RAB31: variants seen among roughly 807,000 people sequenced by gnomAD.
RAB31 encodes the protein ras-related protein Rab-31.
RAB31 carries 21 observed loss-of-function variants against 25.6 expected under a neutral mutation model. The observed-to-expected ratio is 0.82, with a 90% CI of 0.58 to 1.18. The LOEUF (loss-of-function observed/expected upper bound fraction) is 1.18. RAB31 is among the 50% of genes most tolerant of loss of function. The pLI is 0.00. For synonymous variants in RAB31, 87 were observed against 84.0 expected (o/e 1.04, Z -0.20); for missense variants, 196 against 250.1 (o/e 0.78, Z 1.46).
intron 1 of RAB31, among the ~76,000 whole-genome samples, chr18:9,771,056 G>A (rs745766817): frequency 2.6e-5 from 4 of 151,938 alleles, no homozygotes; most frequent in South Asian, 2.1e-4. Flanking sequence ...CTGTAGTCTC[G>A]GCTACTGGAG....
chr18:9,835,347 T>C (rs1421363804), intron 5 of RAB31, among the ~76,000 whole-genome samples: 1 of 151,536 alleles, frequency 6.6e-6, no homozygotes. Flanking sequence ...CCAGTGGTTC[T>C]TTCTCTGGCC....
intron 1 of RAB31, among the ~76,000 whole-genome samples, chr18:9,769,047 G>T (rs141442903): frequency 6.6e-6 from 1 of 152,082 alleles, no homozygotes; most frequent in South Asian, 2.1e-4. Flanking sequence ...CTGTTCCATT[G>T]GTCTATATAT....
intron 2 of RAB31, among the ~76,000 whole-genome samples, chr18:9,778,572 G>T (rs979216308): frequency 1.3e-5 from 2 of 152,148 alleles, no homozygotes; most frequent in African/African-American, 4.8e-5. Context: ...CTGAGTTCAA[G>T]CGATTCTCCT....
chr18:9,761,521 G>C (rs1351661880), intron 1 of RAB31, among the ~76,000 whole-genome samples: 1 of 152,186 alleles, frequency 6.6e-6, no homozygotes, highest in East Asian at 1.9e-4. Context: ...CAGGAATTGG[G>C]CATGGCTTAG....
intron 1 of RAB31, chr18:9,774,901 A>G (rs776840037): frequency 1.9e-6 from 1 of 521,078 alleles, no homozygotes; most frequent in South Asian, 1.4e-5. Flanking sequence ...AAGGTTTTGA[A>G]CAGAATGAAT....
rs190663734 is a variant in RAB31, at chr18:9,823,955, G to A, written c.380+8733G>A. 4.6e-5 allele frequency among the ~76,000 whole-genome samples: 7 copies of A among 152,312 alleles called. No homozygotes were observed. In the South Asian group the frequency reaches 6.2e-4, roughly 14 times the overall value. On this transcript the variant is annotated intron_variant, in intron 5 of 6. Transcript: ENST00000578921. Reference sequence around the variant, plus strand: ...CTAGTGGGCACCGGCTTGTTGACACGTTTCTATGGTGGGGGAATCGGTTCT... The same window carrying A: ...CTAGTGGGCACCGGCTTGTTGACACATTTCTATGGTGGGGGAATCGGTTCT...
chr18:9,821,141 G>T (rs1229032159), intron 5 of RAB31, among the ~76,000 whole-genome samples: 2 of 151,978 alleles, frequency 1.3e-5, no homozygotes, highest in Admixed American at 1.3e-4. Flanking sequence ...AATAGCATAT[G>T]CAATTCCCAA....
intron 5 of RAB31, among the ~76,000 whole-genome samples, chr18:9,843,361 G>C (rs192638272): frequency 6.6e-6 from 1 of 152,026 alleles, no homozygotes; most frequent in Admixed American, 6.6e-5. Context: ...ACTGGGCAAC[G>C]TGGCGAAACC....
In RAB31 at chr18:9,861,784, T is replaced by C. The variant is rs1003319881; in HGVS notation, c.*2459T>C. ...CTTTCGTGTGTGGCATGAGTGTGTA[T>C]CTGTGTAAATATGATTGTATATGTG... On this transcript the variant is annotated 3_prime_UTR_variant, in exon 7 of 7. Transcript: ENST00000578921. 3 of 152,408 alleles carry C rather than the reference T, an allele frequency of 2.0e-5. No homozygotes were observed. The highest frequency in any genetic ancestry group is 6.8e-3 in the Middle Eastern group (2 of 294). 9.4% of individuals were successfully genotyped at this position (152,408 alleles called of 1,614,324 possible).
At chr18:9,709,285 AG>A (rs1332071676) in intron 1 of RAB31, among the ~76,000 whole-genome samples, 1 of 152,124 alleles carries the variant, frequency 6.6e-6, no homozygotes, top group Admixed American at 6.5e-5. Context: ...AGATAAACGT[AG>A]GGTCGCTTCC....
At chr18:9,759,714 G>T (rs2068278060) in intron 1 of RAB31, among the ~76,000 whole-genome samples, 1 of 152,094 alleles carries the variant, frequency 6.6e-6, no homozygotes, top group Non-Finnish European at 1.5e-5. Flanking sequence ...AAAGGGCAAG[G>T]CTATCCCGAG....
intron 1 of RAB31, among the ~76,000 whole-genome samples, chr18:9,744,194 G>C (rs1229789232): frequency 6.6e-6 from 1 of 152,182 alleles, no homozygotes; most frequent in Non-Finnish European, 1.5e-5. Flanking sequence ...GCATTGTGTA[G>C]AGCATACCCT....
At chr18:9,810,493 G>A (rs959520274) in intron 3 of RAB31, among the ~76,000 whole-genome samples, 10 of 152,128 alleles carry the variant, frequency 6.6e-5, no homozygotes, top group African/African-American at 2.4e-4. Context: ...TGCATTATTG[G>A]GTTTTGGAAC....
intron 2 of RAB31, among the ~76,000 whole-genome samples, chr18:9,784,571 GAGAC>G (rs2068422273): frequency 1.2e-5 from 1 of 84,944 alleles, no homozygotes; most frequent in Non-Finnish European, 2.3e-5. Context: ...TTTTTTTTTT[GAGAC>G]AGAGTCTTGC....
At chr18:9,832,840 G>A (rs376103763) in intron 5 of RAB31, among the ~76,000 whole-genome samples, 2 of 152,318 alleles carry the variant, frequency 1.3e-5, no homozygotes, top group African/African-American at 4.8e-5. Context: ...GAAATCCAAA[G>A]GTGTAAAGAA....
chr18:9,833,291 C>T (rs1285171069), intron 5 of RAB31, among the ~76,000 whole-genome samples: 1 of 152,178 alleles, frequency 6.6e-6, no homozygotes, highest in Non-Finnish European at 1.5e-5. Flanking sequence ...CCAGCTTCTC[C>T]GGGGTGGTGC....
intron 1 of RAB31, 24 bp from the exon 2 acceptor site, chr18:9,775,254 G>A (rs778489051): frequency 3.1e-6 from 5 of 1,613,562 alleles, no homozygotes; most frequent in East Asian, 2.2e-5. Context: ...TCATCTTCAC[G>A]GTTGTATCCT....
At chr18:9,744,924 A>C (rs542651027) in intron 1 of RAB31, among the ~76,000 whole-genome samples, 2 of 152,332 alleles carry the variant, frequency 1.3e-5, no homozygotes, top group Non-Finnish European at 2.9e-5. Flanking sequence ...GAAGAAGAGC[A>C]AAATAAACTC....
intron 3 of RAB31, among the ~76,000 whole-genome samples, chr18:9,798,955 G>A (rs1046824780): frequency 6.6e-6 from 1 of 152,196 alleles, no homozygotes; most frequent in Admixed American, 6.5e-5. Context: ...GGGCGTGGTG[G>A]CACTTGTAGT....
Sources: gnomAD v4.1 joint callset for allele counts (sites outside exome capture counted in the v4.1 genomes callset) on GRCh38, gnomAD v4.1.1 for gene constraint, MANE v1.5 for transcripts, NCBI Gene and HGNC (gene_info 2026-07-23, HGNC 2026-07-21) for gene names.